The following ADGRA2 variants were observed in gnomAD, a reference collection of about 807,000 sequenced individuals.
ADGRA2 encodes G-protein coupled receptor 124.
ADGRA2 carries 61 observed loss-of-function variants against 98.7 expected under a neutral mutation model. That is an observed-to-expected ratio of 0.62 (90% CI 0.50 to 0.76). The LOEUF (loss-of-function observed/expected upper bound fraction) is 0.76, where lower values mean the gene tolerates loss of function less well. Ranked by LOEUF, ADGRA2 falls within the 30% of genes least tolerant of loss-of-function variation. The pLI is 0.00. For synonymous variants in ADGRA2, 858 were observed against 831.5 expected (o/e 1.03, Z -0.55); for missense variants, 1,712 against 1,860.0 (o/e 0.92, Z 1.46).
chr8:37,812,718 G>A (rs1266398580), intron 1 of ADGRA2, among the ~76,000 whole-genome samples: 2 of 151,590 alleles, frequency 1.3e-5, no homozygotes, highest in African/African-American at 2.4e-5. Flanking sequence ...AGGGTGGAGT[G>A]CAATGGTGCC....
Position 37,841,937 on chromosome 8 carries a change from G to A in ADGRA2, c.3599G>A (p.Arg1200Gln). The part of the protein sequence containing the change: ...HRAGEACGKN[R>Q]LKALRGGAAG... ...GCGGGGGAGGCCTGCGGCAAGAACC[G>A]GCTCAAGGCCCTGCGCGGGGGCGCG... Residue 1200 changes from arginine (R) to glutamine (Q), a missense_variant, in exon 19 of 19, where the codon CGG becomes CAG. Physicochemically the swap from Arg to Gln is conservative, Grantham distance 43. Transcript: ENST00000412232. The surrounding 1 kb of genome is among the most constrained non-coding windows in gnomAD (Gnocchi z 5.0). The A allele has an allele frequency of 1.3e-6, 2 of 1,513,978 alleles. No individual in the cohort carries two copies. The highest frequency in any genetic ancestry group is 1.8e-6 in the Non-Finnish European group (2 of 1,139,332). The allele number at this position is 1,513,978 out of a possible 1,614,324, so 93.8% of individuals were successfully genotyped here.
chr8:37,824,651 C>T lies in ADGRA2; in HGVS notation c.339-4237C>T, dbSNP rs113877417. 3.1e-4 allele frequency among the ~76,000 whole-genome samples: 47 copies of T among 152,082 alleles called. 1 individual carries two copies. The highest frequency in any genetic ancestry group is 1.0e-3 in the African/African-American group (42 of 41,482). ...TGAGATTACAAGGCTCCCGCCACCA[C>T]ACACGGCTAATTTTTTGTATTTTTA... On this transcript the variant is annotated intron_variant, in intron 2 of 18. Transcript: ENST00000412232.
rs148853179 is a variant in ADGRA2, at chr8:37,829,524, T to C, written c.519T>C (p.Pro173=). Residue 173 remains proline, a synonymous_variant, in exon 5 of 19, where the codon CCT becomes CCC. Transcript: ENST00000412232. ...GAAACATCTTCTCCAGTCTGCAACC[T>C]GGGGTCTTTGATGAGCTGCCAGCCC... is the stretch of plus-strand genomic sequence containing the variant. ...ISGNIFSSLQ[P]GVFDELPALK... The C allele has an allele frequency of 1.2e-6, 2 of 1,613,644 alleles. No homozygotes were observed. The highest frequency in any genetic ancestry group is 2.7e-5 in the African/African-American group (2 of 74,892).
Position 37,835,722 on chromosome 8 carries a change from C to G in ADGRA2, c.2002C>G (p.Pro668Ala). ...SNTSRPGAAG[P>A]GKRRGVATPV... is the part of the protein sequence containing the mutation. Reference sequence around the variant, plus strand: ...CACCTCCCGCCCTGGAGCTGCTGGGCCTGGCAAGAGGCGTGGCGTGGCCAC... The same window carrying G: ...CACCTCCCGCCCTGGAGCTGCTGGGGCTGGCAAGAGGCGTGGCGTGGCCAC... The change falls in exon 13 of 19, where the codon CCT (proline) becomes GCT (alanine). Residue 668 changes from proline to alanine, a missense_variant. By Grantham distance (27) the Pro-to-Ala change is conservative (BLOSUM62 -1). Coordinates refer to ENST00000412232, the MANE Select transcript of ADGRA2 (RefSeq NM_032777.10). 6.2e-7 allele frequency: 1 copy of G among 1,613,896 alleles called. No individual in the cohort carries two copies. The highest frequency in any genetic ancestry group is 8.5e-7 in the Non-Finnish European group (1 of 1,179,926).
At chr8:37,823,596 T>C (rs1805186367) in intron 2 of ADGRA2, among the ~76,000 whole-genome samples, 1 of 152,226 alleles carries the variant, frequency 6.6e-6, no homozygotes, top group Non-Finnish European at 1.5e-5. Flanking sequence ...GATATATACC[T>C]AGGAGTGGAA....
In ADGRA2 at chr8:37,842,353, T is replaced by C; in HGVS notation, c.4015T>C (p.Ter1339GlnextTer141). 1 of 1,475,662 alleles carries C rather than the reference T, an allele frequency of 6.8e-7. No homozygotes were observed. Among genetic ancestry groups the C allele is most frequent in the Non-Finnish European group, 9.0e-7 (1 of 1,116,216 alleles). The allele number at this position is 1,475,662 out of a possible 1,614,324, so 91.4% of individuals were successfully genotyped here. ...ACTCTGGAAGAGCGAAACTACCGTC[T>C]AAGGTGGGGCGGGCGACGCGGTAGA... ...TGLWKSETTV* is the reference protein window; with the variant it reads ...TGLWKSETTVQ Residue 1339 changes from the stop codon to glutamine, a stop_lost, in exon 19 of 19, where the codon TAA becomes CAA. Transcript: ENST00000412232.
chr8:37,828,902 A>G lies in ADGRA2; in HGVS notation c.353A>G (p.Asn118Ser). Residue 118 changes from asparagine (N) to serine (S), a missense_variant, in exon 3 of 19, where the codon AAC becomes AGC. Physicochemically the swap from Asn to Ser is conservative, Grantham distance 46 (BLOSUM62 1). Coordinates refer to ENST00000412232, the MANE Select transcript of ADGRA2 (RefSeq NM_032777.10). ...TGCCTCTGCAGGGACCTGAGGAACAACATCATCAGCACAGTGCAGCCGGGC... is the reference window on the plus strand; with the variant it reads ...TGCCTCTGCAGGGACCTGAGGAACAGCATCATCAGCACAGTGCAGCCGGGC... ...SLLEKLDLRN[N>S]IISTVQPGAF... The G allele has an allele frequency of 6.3e-7, 1 of 1,599,874 alleles. No individual in the cohort carries two copies. The highest frequency in any genetic ancestry group is 8.5e-7 in the Non-Finnish European group (1 of 1,174,240).
At chr8:37,832,905 C>T (rs1805495256) in intron 8 of ADGRA2, 105 bp from the exon 9 acceptor site, 3 of 840,876 alleles carry the variant, frequency 3.6e-6, no homozygotes, top group Non-Finnish European at 5.7e-6. Context: ...TCCTGGATCC[C>T]TCCCCAAGGC....
chr8:37,835,704 C>T lies in ADGRA2; in HGVS notation c.1984C>T (p.Arg662Cys), dbSNP rs368535918. ...RLFHSHSNTS[R>C]PGAAGPGKRR... is the part of the protein sequence containing the mutation. The stretch of plus-strand genomic sequence containing the variant: ...CTTCCACAGCCACAGCAACACCTCC[C>T]GCCCTGGAGCTGCTGGGCCTGGCAA... Residue 662 changes from arginine (R) to cysteine (C), a missense_variant, in exon 13 of 19, where the codon CGC becomes TGC. By Grantham distance (180) the Arg-to-Cys change is radical. Coordinates refer to ENST00000412232, the MANE Select transcript of ADGRA2 (RefSeq NM_032777.10). The T allele has an allele frequency of 1.0e-4, 164 of 1,613,824 alleles. No homozygotes were observed. The highest frequency in any genetic ancestry group is 3.5e-4 in the African/African-American group (26 of 74,908).
chr8:37,844,835 C>G lies in ADGRA2; in HGVS notation c.*2480C>G, dbSNP rs763427880. On this transcript the variant is annotated 3_prime_UTR_variant, in exon 19 of 19. Coordinates refer to ENST00000412232, the MANE Select transcript of ADGRA2 (RefSeq NM_032777.10). Reference sequence around the variant, plus strand: ...CCCGAAAGGCAGAGCGGACCAGTGACTGGCGGTGCTGGAGAAGGTCACCGA... The same window carrying G: ...CCCGAAAGGCAGAGCGGACCAGTGAGTGGCGGTGCTGGAGAAGGTCACCGA... 2 of 1,614,202 alleles carry G rather than the reference C, an allele frequency of 1.2e-6. No individual in the cohort carries two copies. Among genetic ancestry groups the G allele is most frequent in the East Asian group, 4.5e-5 (2 of 44,876 alleles).
rs1168732231 is a variant in ADGRA2 at position 37,834,494 on chromosome 8, TAAC to T, written c.1608+370_1608+372del. ...AGAGAAGGTGAGTGCTCCAATCTGA[TAAC>T]AACCACAGTACAGCATCGTGTATGT... On this transcript the variant is annotated intron_variant, in intron 11 of 18. Transcript: ENST00000412232. The surrounding 1 kb of genome is among the most constrained non-coding windows in gnomAD (Gnocchi z 4.2). Among the ~76,000 whole-genome samples the T allele has an allele frequency of 6.6e-6, 1 of 152,192 alleles. No individual in the cohort carries two copies. The highest frequency in any genetic ancestry group is 1.5e-5 in the Non-Finnish European group (1 of 68,028).
chr8:37,842,069 T>C lies in ADGRA2; in HGVS notation c.3731T>C (p.Leu1244Pro), dbSNP rs1805818517. 6 of 1,516,840 alleles carry C rather than the reference T, an allele frequency of 4.0e-6. No individual in the cohort carries two copies. Among genetic ancestry groups the C allele is most frequent in the Non-Finnish European group, 5.3e-6 (6 of 1,139,922 alleles). The allele number at this position is 1,516,840 out of a possible 1,614,324, so 94.0% of individuals were successfully genotyped here. A position where few individuals can be genotyped will look rare whatever the true frequency, so the allele number is the denominator to read the frequency against. The change falls in exon 19 of 19, where the codon CTG becomes CCG. Residue 1244 changes from leucine (L) to proline (P), a missense_variant. Transcript: ENST00000412232. The part of the protein sequence containing the change: ...SRNSPGAGLQ[L>P]EGEPMLTPSE... ...AACAGCCCGGGCGCCGGCCTGCAGC[T>C]GGAAGGCGAGCCCATGCTCACGCCG...
At chr8:37,818,399 A>G (rs1400446476) in intron 2 of ADGRA2, among the ~76,000 whole-genome samples, 1 of 152,244 alleles carries the variant, frequency 6.6e-6, no homozygotes, top group African/African-American at 2.4e-5. Context: ...GATGAAGATG[A>G]AAAGACGGCC....
rs147459946 is a variant in ADGRA2, at chr8:37,835,178, C to T, written c.1613C>T (p.Ala538Val). 455 of 1,611,686 alleles carry T rather than the reference C, an allele frequency of 2.8e-4. 1 individual carries two copies. Among genetic ancestry groups the T allele is most frequent in the Non-Finnish European group, 3.7e-4 (435 of 1,178,228 alleles). ...TGACAAGGTCCCTGTCCCCAGAATGCGAGGAACGTGGCATTGGAGGCCTAC... is the reference window on the plus strand; with the variant it reads ...TGACAAGGTCCCTGTCCCCAGAATGTGAGGAACGTGGCATTGGAGGCCTAC... ...SPHAQHISVNARNVALEAYLI... is the reference protein window; with the variant it reads ...SPHAQHISVNVRNVALEAYLI... Residue 538 changes from alanine (A) to valine (V), a missense_variant, in exon 12 of 19, where the codon GCG (alanine) becomes GTG (valine). Coordinates refer to ENST00000412232, the MANE Select transcript of ADGRA2 (RefSeq NM_032777.10).
intron 2 of ADGRA2, among the ~76,000 whole-genome samples, chr8:37,825,669 A>G (rs1368933794): frequency 6.6e-6 from 1 of 152,024 alleles, no homozygotes; most frequent in Non-Finnish European, 1.5e-5. Flanking sequence ...ATGTGCTAAG[A>G]AAAAAAAGGC....
rs1222172157 is a variant in ADGRA2, at chr8:37,842,379, C to T, written c.*24C>T. On this transcript the variant is annotated 3_prime_UTR_variant, in exon 19 of 19. Coordinates refer to ENST00000412232, the MANE Select transcript of ADGRA2 (RefSeq NM_032777.10). ...AAGGTGGGGCGGGCGACGCGGTAGA[C>T]GGGCTGGCCACGCGGCTCGTTCCCC... The T allele has an allele frequency of 2.8e-6, 4 of 1,446,914 alleles. No homozygotes were observed. Among genetic ancestry groups the T allele is most frequent in the Non-Finnish European group, 3.6e-6 (4 of 1,101,952 alleles). The allele number at this position is 1,446,914 out of a possible 1,614,324, so 89.6% of individuals were successfully genotyped here.
Position 37,834,089 on chromosome 8 carries a change from G to T in ADGRA2, c.1569G>T (p.Gly523=), listed in dbSNP as rs1180648887. 6.2e-7 allele frequency: 1 copy of T among 1,612,594 alleles called. No homozygotes were observed. Among genetic ancestry groups the T allele is most frequent in the East Asian group, 2.2e-5 (1 of 44,870 alleles). The change falls in exon 11 of 19, where the codon GGG becomes GGT. Residue 523 remains glycine (G), a synonymous_variant. Transcript: ENST00000412232. The surrounding 1 kb of genome is among the most constrained non-coding windows in gnomAD (Gnocchi z 4.2). ...TCGTGGGTGCCCTGGAGCGCATTGG[G>T]GGGGCCGCCCTCAGCCCCCATGCCC... ...SRIVGALERI[G]GAALSPHAQH... is the part of the protein sequence containing the mutation.
Position 37,840,755 on chromosome 8 carries a change from T to G in ADGRA2, c.2658-5T>G. 6.4e-7 allele frequency: 1 copy of G among 1,553,424 alleles called. No homozygotes were observed. The highest frequency in any genetic ancestry group is 8.9e-7 in the Non-Finnish European group (1 of 1,125,770). On this transcript the variant is annotated splice_polypyrimidine_tract_variant and splice_region_variant and intron_variant, in intron 17 of 18. Transcript: ENST00000412232. ...CTGGGACCCCCAATCCCTCATTCCC[T>G]CCAGGTTCTATTTGATCGCTGGAGG...
At chr8:37,809,002 T>G (rs1402258840) in intron 1 of ADGRA2, among the ~76,000 whole-genome samples, 1 of 152,102 alleles carries the variant, frequency 6.6e-6, no homozygotes, top group Non-Finnish European at 1.5e-5. Flanking sequence ...TTTTTGTTTT[T>G]AGTAGAGATG....
Sources: gnomAD v4.1 joint callset for allele counts (sites outside exome capture counted in the v4.1 genomes callset) on GRCh38, gnomAD v4.1.1 for gene constraint, Gnocchi (gnomAD v3.1) non-coding constraint, MANE v1.5 for transcripts, NCBI Gene and HGNC (gene_info 2026-07-23, HGNC 2026-07-21) for gene names.